Variants in RIT2 observed in about 807,000 individuals in gnomAD.
RIT2 encodes the protein Ras like without CAAX 2, also known as GTP-binding protein Rit2.
Under a neutral mutation model 23.7 loss-of-function variants are expected in RIT2, and 24 were observed. The observed-to-expected ratio is 1.01, with a 90% confidence interval of 0.73 to 1.43. The LOEUF is 1.43. Among genes scored for constraint, RIT2 ranks in the 40% most tolerant of loss-of-function variants. RIT2 has a pLI of 0.00. For synonymous variants in RIT2, 107 were observed against 91.1 expected, an observed-to-expected ratio of 1.17 and a Z score of -0.99; for missense variants, 236 against 266.9, an observed-to-expected ratio of 0.88 and a Z score of 0.81.
At chr18:43,084,921 G>T (rs1913246009) in intron 1 of RIT2, among the ~76,000 whole-genome samples, 4 of 152,058 alleles carry the variant, frequency 2.6e-5, no homozygotes. Context: ...TCTATTGAAA[G>T]ATAAAGACCT....
At chr18:43,044,151 C>T (rs1912193923) in intron 1 of RIT2, among the ~76,000 whole-genome samples, 1 of 152,000 alleles carries the variant, frequency 6.6e-6, no homozygotes, top group South Asian at 2.1e-4. Flanking sequence ...AAAATAGGGT[C>T]CTTGTGGAGT....
chr18:42,856,609 C>T (rs551811442), intron 4 of RIT2, among the ~76,000 whole-genome samples: 4 of 150,408 alleles, frequency 2.7e-5, no homozygotes, highest in South Asian at 2.2e-4. Flanking sequence ...AAGAGGAACA[C>T]AAGACAAACA....
chr18:42,775,762 C>G (rs1913655501), intron 4 of RIT2, among the ~76,000 whole-genome samples: 1 of 151,780 alleles, frequency 6.6e-6, no homozygotes, highest in African/African-American at 2.4e-5. Flanking sequence ...ACAGTGACGT[C>G]AGGACCAAAA....
At chr18:43,103,399 A>G (rs1913733955) in intron 1 of RIT2, among the ~76,000 whole-genome samples, 1 of 152,232 alleles carries the variant, frequency 6.6e-6, no homozygotes, top group Admixed American at 6.5e-5. Flanking sequence ...TTTGCTATTA[A>G]AACAGGAAAA....
chr18:42,876,463 C>A (rs928687638), intron 4 of RIT2, among the ~76,000 whole-genome samples: 1 of 150,540 alleles, frequency 6.6e-6, no homozygotes, highest in Admixed American at 6.7e-5. Context: ...AGAAAAGGAA[C>A]GAGGTCTTAA....
At chr18:43,049,970 TCC>T (rs1407861747) in intron 1 of RIT2, among the ~76,000 whole-genome samples, 2 of 94,618 alleles carry the variant, frequency 2.1e-5, no homozygotes, top group South Asian at 4.4e-4. Flanking sequence ...AGAAGGGATT[TCC>T]TTTTTTTTTT....
intron 4 of RIT2, among the ~76,000 whole-genome samples, chr18:42,827,897 C>T (rs967322094): frequency 8.2e-5 from 12 of 146,320 alleles, no homozygotes; most frequent in Non-Finnish European, 1.5e-4. Flanking sequence ...CCCAGCTACT[C>T]GGGAGGCTGA....
intron 4 of RIT2, among the ~76,000 whole-genome samples, chr18:42,842,232 C>T (rs770867071): frequency 6.6e-6 from 1 of 152,162 alleles, no homozygotes; most frequent in African/African-American, 2.4e-5. Flanking sequence ...ATTTATATAT[C>T]ACTCACAATT....
chr18:43,064,520 G>A (rs1284560388), intron 1 of RIT2, among the ~76,000 whole-genome samples: 2 of 152,080 alleles, frequency 1.3e-5, no homozygotes, highest in East Asian at 3.9e-4. Context: ...ACAGAATAAA[G>A]TACTTAGGAT....
At chr18:42,835,742 G>T (rs567712833) in intron 4 of RIT2, among the ~76,000 whole-genome samples, 19 of 152,004 alleles carry the variant, frequency 1.2e-4, no homozygotes, top group African/African-American at 4.6e-4. Context: ...TTAAATAAGA[G>T]TTATAAATAA....
At chr18:42,884,277 C>G (rs1020528506) in intron 4 of RIT2, among the ~76,000 whole-genome samples, 1 of 152,204 alleles carries the variant, frequency 6.6e-6, no homozygotes, top group East Asian at 1.9e-4. Context: ...TCTCTTAGCC[C>G]GGAGGGTGGA....
intron 1 of RIT2, among the ~76,000 whole-genome samples, chr18:43,103,244 A>G (rs1402096446): frequency 6.6e-6 from 1 of 152,070 alleles, no homozygotes; most frequent in Admixed American, 6.6e-5. Context: ...GTTTTATTTT[A>G]CTACATATGC....
intron 4 of RIT2, among the ~76,000 whole-genome samples, chr18:42,759,742 CACACACACACACAT>C (rs1189600428): frequency 7.3e-6 from 1 of 137,758 alleles, no homozygotes; most frequent in Non-Finnish European, 1.6e-5. Context: ...CACACACACA[CACACACACACACAT>C]ACGGATATAT....
intron 2 of RIT2, among the ~76,000 whole-genome samples, chr18:43,015,346 T>A (rs534104806): frequency 2.8e-4 from 43 of 151,778 alleles, no homozygotes; most frequent in Non-Finnish European, 4.4e-4. Flanking sequence ...ATTCACTGAC[T>A]CAGGGAACAC....
intron 1 of RIT2, among the ~76,000 whole-genome samples, chr18:43,063,883 G>C (rs1912710347): frequency 6.6e-6 from 1 of 152,174 alleles, no homozygotes; most frequent in Admixed American, 6.5e-5. Flanking sequence ...AGGTCATAGG[G>C]AGGAGTAAGA....
intron 4 of RIT2, among the ~76,000 whole-genome samples, chr18:42,866,292 A>G (rs190336726): frequency 1.2e-4 from 19 of 152,310 alleles, no homozygotes; most frequent in Admixed American, 1.1e-3. Flanking sequence ...ACAAATGTAC[A>G]TTTATCCCAA....
At chr18:42,984,189 CTG>C (rs1215762195) in intron 2 of RIT2, among the ~76,000 whole-genome samples, 1 of 152,036 alleles carries the variant, frequency 6.6e-6, no homozygotes, top group Non-Finnish European at 1.5e-5. Flanking sequence ...GTTACACAAA[CTG>C]TGATACAACC....
chr18:42,806,688 G>T (rs554130502), intron 4 of RIT2, among the ~76,000 whole-genome samples: 17 of 152,102 alleles, frequency 1.1e-4, no homozygotes, highest in Non-Finnish European at 2.4e-4. Flanking sequence ...AAATAGCTTT[G>T]ACTTCATAAG....
At chr18:42,754,405 C>G (rs1003306037) in intron 4 of RIT2, among the ~76,000 whole-genome samples, 11 of 150,636 alleles carry the variant, frequency 7.3e-5, no homozygotes. Context: ...CTCTTTAGAA[C>G]GTGGAGTACA....
Sources: allele counts gnomAD v4.1 joint callset (sites outside exome capture counted in the v4.1 genomes callset), GRCh38; gene constraint gnomAD v4.1.1; transcripts MANE v1.5; gene names NCBI Gene and HGNC (gene_info 2026-07-23, HGNC 2026-07-21).